Variants in CTNND2 observed in about 807,000 individuals in gnomAD.
CTNND2 encodes the protein catenin delta 2.
CTNND2 carries 22 observed loss-of-function variants against 144.4 expected under a neutral mutation model. The ratio of observed to expected loss-of-function variants is 0.15; its 90% CI spans 0.11 to 0.22. The LOEUF is 0.22. CTNND2 is among the 10% of genes least tolerant of loss of function. The pLI is 1.00. For synonymous variants in CTNND2, 751 were observed against 695.6 expected, an observed-to-expected ratio of 1.08 and a Z score of -1.25; for missense variants, 1,353 against 1,618.8, an observed-to-expected ratio of 0.84 and a Z score of 2.82.
At chr5:11,396,125 G>C (rs910172493) in intron 6 of CTNND2, among the ~76,000 whole-genome samples, 2 of 152,120 alleles carry the variant, frequency 1.3e-5, no homozygotes, top group Admixed American at 6.5e-5. Flanking sequence ...AATGCAAAAG[G>C]GCTGAAACTA....
intron 3 of CTNND2, among the ~76,000 whole-genome samples, chr5:11,535,008 G>A (rs1020640362): frequency 6.6e-6 from 1 of 151,980 alleles, no homozygotes; most frequent in African/African-American, 2.4e-5. Flanking sequence ...CCAACATGAC[G>A]AAACACGTTC....
chr5:11,326,654 C>T (rs1752562745), intron 9 of CTNND2, among the ~76,000 whole-genome samples: 1 of 152,208 alleles, frequency 6.6e-6, no homozygotes, highest in African/African-American at 2.4e-5. Context: ...GCCTCCACAT[C>T]CTCATCCCTT....
At chr5:11,292,294 T>C (rs1748432419) in intron 9 of CTNND2, among the ~76,000 whole-genome samples, 1 of 152,094 alleles carries the variant, frequency 6.6e-6, no homozygotes. Flanking sequence ...GTAGTAGATG[T>C]ATTTAGTTAA....
At chr5:11,126,866 G>A (rs1334383657) in intron 12 of CTNND2, among the ~76,000 whole-genome samples, 1 of 152,144 alleles carries the variant, frequency 6.6e-6, no homozygotes, top group Admixed American at 6.6e-5. Context: ...AAAAAATAAG[G>A]ACACGGAACA....
intron 10 of CTNND2, among the ~76,000 whole-genome samples, chr5:11,222,112 C>A (rs1474844384): frequency 6.6e-6 from 1 of 152,178 alleles, no homozygotes; most frequent in African/African-American, 2.4e-5. Flanking sequence ...TCACACAGGT[C>A]ATCTGTTTCT....
In CTNND2 at chr5:10,988,174, C is replaced by T. The variant is rs746098598; in HGVS notation, c.3280G>A (p.Gly1094Ser). The stretch of plus-strand genomic sequence containing the variant: ...GCTCCGTGGTAGGTGGCGTTGCTGC[C>T]GGTGCACTCGTAGTCTGTTTTCCTT... Reference protein sequence around the residue: ...KERKTDYECTGSNATYHGAKG... With the variant: ...KERKTDYECTSSNATYHGAKG... The change falls in exon 20 of 22, where the codon GGC becomes AGC. Residue 1094 changes from glycine (G) to serine (S), a missense_variant. Physicochemically the swap from Gly to Ser is moderately conservative, Grantham distance 56 (BLOSUM62 0). Around this residue, in one of 4 missense-constraint regions of CTNND2, gnomAD observed 459 missense variants for 674.3 expected, o/e 0.68. Transcript: ENST00000304623. The surrounding 1 kb of genome is among the most constrained non-coding windows in gnomAD (Gnocchi z 5.9). 6.2e-6 allele frequency: 10 copies of T among 1,614,072 alleles called. No homozygotes were observed. In the African/African-American group the frequency reaches 8.0e-5, roughly 13 times the overall value.
intron 1 of CTNND2, among the ~76,000 whole-genome samples, chr5:11,798,176 C>T (rs4336363): frequency 0.83 from 124,864 of 151,136 alleles, 54,787 homozygotes; most frequent in Non-Finnish European, 0.97. Context: ...AAAGGAGAAT[C>T]GCTGGAACCC....
intron 14 of CTNND2, among the ~76,000 whole-genome samples, chr5:11,106,819 C>G (rs1015875468): frequency 3.3e-5 from 5 of 152,112 alleles, no homozygotes; most frequent in Non-Finnish European, 5.9e-5. Context: ...GGTGCCACTA[C>G]GAGCCAGTCT....
At chr5:11,066,255 G>T (rs755659616) in intron 16 of CTNND2, among the ~76,000 whole-genome samples, 1 of 152,144 alleles carries the variant, frequency 6.6e-6, no homozygotes, top group Non-Finnish European at 1.5e-5. Context: ...GGCCAGGATG[G>T]TCTCAATCTC....
chr5:11,665,262 T>C (rs1783499540), intron 2 of CTNND2, among the ~76,000 whole-genome samples: 1 of 152,188 alleles, frequency 6.6e-6, no homozygotes, highest in South Asian at 2.1e-4. Context: ...GACTTTCAGC[T>C]CCACTACTTA....
Position 11,073,825 on chromosome 5 carries a change from G to A in CTNND2, c.2788+8871C>T, listed in dbSNP as rs1170330234. 5.9e-4 allele frequency among the ~76,000 whole-genome samples: 90 copies of A among 152,156 alleles called. 1 individual carries two copies. The highest frequency in any genetic ancestry group is 5.8e-3 in the Admixed American group (89 of 15,272). ...TCTAAAATGTGGCTTGTGAAATCAA[G>A]TTATTAAAACAAACCAGCAGAGAGT... is the stretch of plus-strand genomic sequence containing the variant. On this transcript the variant is annotated intron_variant, in intron 16 of 21. Coordinates refer to ENST00000304623, the MANE Select transcript of CTNND2 (RefSeq NM_001332.4).
intron 18 of CTNND2, among the ~76,000 whole-genome samples, chr5:11,010,981 C>T (rs979602582): frequency 6.6e-6 from 1 of 152,228 alleles, no homozygotes; most frequent in African/African-American, 2.4e-5. Flanking sequence ...TACTCTGTTT[C>T]AAGCACAGGC....
At chr5:11,879,341 GTATATA>G (rs1411823676) in intron 1 of CTNND2, among the ~76,000 whole-genome samples, 1 of 109,340 alleles carries the variant, frequency 9.1e-6, no homozygotes, top group Non-Finnish European at 2.0e-5. Context: ...TTAAATGTGT[GTATATA>G]TATATATATA....
intron 9 of CTNND2, among the ~76,000 whole-genome samples, chr5:11,257,002 G>A (rs1215491646): frequency 6.6e-6 from 1 of 152,198 alleles, no homozygotes; most frequent in Non-Finnish European, 1.5e-5. Context: ...CCCCTGGGGA[G>A]CAAAATTATC....
In CTNND2 at chr5:11,868,802, T is replaced by C. The variant is rs1795895637; in HGVS notation, c.37+35015A>G. Among the ~76,000 whole-genome samples the C allele has an allele frequency of 3.3e-5, 5 of 152,300 alleles. No homozygotes were observed. The South Asian group carries it at 1.0e-3, about 32-fold the overall frequency. On this transcript the variant is annotated intron_variant, in intron 1 of 21. Transcript: ENST00000304623. ...TTGCCATGTGAGGCCCTCCACAGCC[T>C]TGGGACCATGCAGAGTCTCCAGCAG...
At chr5:11,600,220 C>T (rs1191620142) in intron 2 of CTNND2, among the ~76,000 whole-genome samples, 2 of 152,152 alleles carry the variant, frequency 1.3e-5, no homozygotes, top group Admixed American at 6.6e-5. Flanking sequence ...TGTGGACACA[C>T]TGTTTTGTCA....
chr5:11,045,812 C>A (rs2149574198), intron 16 of CTNND2, among the ~76,000 whole-genome samples: 1 of 152,232 alleles, frequency 6.6e-6, no homozygotes. Flanking sequence ...TTTTGGGGGG[C>A]CACCATCTCA....
At chr5:11,563,036 A>T (rs1257238874) in intron 3 of CTNND2, among the ~76,000 whole-genome samples, 1 of 152,184 alleles carries the variant, frequency 6.6e-6, no homozygotes, top group African/African-American at 2.4e-5. Context: ...CCACTATTGT[A>T]TGTCACAGAT....
chr5:11,586,459 T>C (rs112762850), intron 2 of CTNND2, among the ~76,000 whole-genome samples: 6 of 152,332 alleles, frequency 3.9e-5, no homozygotes, highest in African/African-American at 1.4e-4. Flanking sequence ...ATAAGACTTC[T>C]AAAATAGCCA....
Sources: gnomAD v4.1 joint callset for allele counts (sites outside exome capture counted in the v4.1 genomes callset) on GRCh38, gnomAD v4.1.1 for gene constraint, gnomAD v4.1.1 regional missense constraint, Gnocchi (gnomAD v3.1) non-coding constraint, MANE v1.5 for transcripts, NCBI Gene and HGNC (gene_info 2026-07-23, HGNC 2026-07-21) for gene names.